Variants in SCRT2 observed in about 807,000 individuals in gnomAD.
SCRT2 encodes scratch family transcriptional repressor 2, also known as transcriptional repressor scratch 2.
A neutral mutation model predicts 3.7 loss-of-function variants in SCRT2; 2 were observed. That is an observed-to-expected ratio of 0.54 (90% CI 0.22 to 1.70). SCRT2 has a LOEUF of 1.70. Ranked by LOEUF, SCRT2 falls within the 40% of genes most tolerant of loss-of-function variation. SCRT2 has a pLI of 0.19. For missense variants in SCRT2, 456 were observed against 468.5 expected, an observed-to-expected ratio of 0.97 and a Z score of 0.25; for synonymous variants, 256 against 220.6, an observed-to-expected ratio of 1.16 and a Z score of -1.42.
intron 1 of SCRT2, among the ~76,000 whole-genome samples, chr20:673,196 A>G (rs1055259312): frequency 3.3e-5 from 5 of 152,234 alleles, no homozygotes; most frequent in Admixed American, 3.3e-4. Context: ...GCCCGATCCC[A>G]GAAATGCCGC....
rs777409794 is a variant in SCRT2, at chr20:663,891, G to C, written c.704C>G (p.Thr235Ser). Residue 235 changes from threonine to serine, a missense_variant, in exon 2 of 2, where the codon ACC becomes AGC. By Grantham distance (58) the Thr-to-Ser change is moderately conservative. Around this residue, in one of 3 missense-constraint regions of SCRT2, gnomAD observed 144 missense variants for 141.9 expected, o/e 1.01. Transcript: ENST00000246104. The surrounding 1 kb of genome is among the most constrained non-coding windows in gnomAD (Gnocchi z 6.9). ...CGCGCAGCCGAACGGCTTTTCGCCGGTGTGCGAGCGCATGTGACCCTGCAG... is the reference window on the plus strand; with the variant it reads ...CGCGCAGCCGAACGGCTTTTCGCCGCTGTGCGAGCGCATGTGACCCTGCAG... ...WLLQGHMRSH[T>S]GEKPFGCAHC... 6.2e-7 allele frequency: 1 copy of C among 1,604,008 alleles called. No homozygotes were observed. The highest frequency in any genetic ancestry group is 8.5e-7 in the Non-Finnish European group (1 of 1,177,616).
At chr20:673,545 A>G (rs1184676882) in intron 1 of SCRT2, among the ~76,000 whole-genome samples, 1 of 152,162 alleles carries the variant, frequency 6.6e-6, no homozygotes, top group Non-Finnish European at 1.5e-5. Flanking sequence ...GTTGGTCTGG[A>G]GACCCATGGG....
chr20:675,499 G>T lies in SCRT2; in HGVS notation c.103C>A (p.Pro35Thr). The T allele has an allele frequency of 3.6e-6, 5 of 1,374,412 alleles. No individual in the cohort carries two copies. Among genetic ancestry groups the T allele is most frequent in the Non-Finnish European group, 4.7e-6 (5 of 1,059,386 alleles). The allele number at this position is 1,374,412 out of a possible 1,614,324, so 85.1% of individuals were successfully genotyped here. The change falls in exon 1 of 2, where the codon CCT (proline) becomes ACT (threonine). Residue 35 changes from proline to threonine, a missense_variant. Pro to Thr is a conservative substitution (Grantham distance 38). Around this residue, in one of 3 missense-constraint regions of SCRT2, gnomAD observed 306 missense variants for 305.3 expected, o/e 1.00. Coordinates refer to ENST00000246104, the MANE Select transcript of SCRT2 (RefSeq NM_033129.4). The surrounding 1 kb of genome is among the most constrained non-coding windows in gnomAD (Gnocchi z 6.9). ...YHPLETAYVL[P>T]GARGPPGDNG... The stretch of plus-strand genomic sequence containing the variant: ...TCCCCGGGAGGCCCCCGGGCGCCAG[G>T]CAGCACGTAGGCTGTCTCCAAGGGG...
At chr20:672,176 C>G (rs562315982) in intron 1 of SCRT2, among the ~76,000 whole-genome samples, 71 of 152,248 alleles carry the variant, frequency 4.7e-4, no homozygotes, top group African/African-American at 1.7e-3. Flanking sequence ...AGGCATCTTA[C>G]TTGAGGGGAC....
In SCRT2 at chr20:669,735, G is replaced by A. The variant is rs1405520913; in HGVS notation, c.134-5274C>T. Among the ~76,000 whole-genome samples the A allele has an allele frequency of 2.0e-5, 3 of 152,256 alleles. No individual in the cohort carries two copies. The East Asian group carries it at 5.8e-4, about 29-fold the overall frequency. ...GAAAGCCAGGTCTGTCAGCAGCAAA[G>A]CGGGATAAAAATAGTTTCTCCTGTC... On this transcript the variant is annotated intron_variant, in intron 1 of 1. Transcript: ENST00000246104.
chr20:670,995 C>T (rs926208213), intron 1 of SCRT2, among the ~76,000 whole-genome samples: 2 of 152,126 alleles, frequency 1.3e-5, no homozygotes, highest in Non-Finnish European at 2.9e-5. Flanking sequence ...GAAAGGAAAA[C>T]AGAGGCTGGG....
In SCRT2 at chr20:663,398, G is replaced by C. The variant is rs1274352480; in HGVS notation, c.*273C>G. ...GGAGAGGTGCGGACCTGGTGCCTGAGTTGGGAGCCTTGAAGGCGCGGACAG... is the reference window on the plus strand; with the variant it reads ...GGAGAGGTGCGGACCTGGTGCCTGACTTGGGAGCCTTGAAGGCGCGGACAG... On this transcript the variant is annotated 3_prime_UTR_variant, in exon 2 of 2. Transcript: ENST00000246104. This position sits in a 1 kb window ranked among gnomAD's most constrained non-coding sequence, Gnocchi z 6.9. The C allele has an allele frequency of 2.8e-6, 1 of 363,122 alleles. No homozygotes were observed. The highest frequency in any genetic ancestry group is 2.1e-5 in the African/African-American group (1 of 46,886). The allele number at this position is 363,122 out of a possible 1,614,324, so 22.5% of individuals were successfully genotyped here.
At chr20:671,616 G>T (rs934203619) in intron 1 of SCRT2, among the ~76,000 whole-genome samples, 3 of 152,206 alleles carry the variant, frequency 2.0e-5, no homozygotes, top group Non-Finnish European at 4.4e-5. Flanking sequence ...GCTTGGCCTG[G>T]AGCGACTACC....
chr20:673,159 C>T (rs1984400561), intron 1 of SCRT2, among the ~76,000 whole-genome samples: 1 of 152,178 alleles, frequency 6.6e-6, no homozygotes, highest in African/African-American at 2.4e-5. Flanking sequence ...TATGGGGTAG[C>T]CTACAGAGAC....
rs1385776950 is a variant in SCRT2 at position 667,474 on chromosome 20, C to A, written c.134-3013G>T. Among the ~76,000 whole-genome samples, 1 of 152,194 alleles carries A rather than the reference C, an allele frequency of 6.6e-6. No individual in the cohort carries two copies. The highest frequency in any genetic ancestry group is 1.5e-5 in the Non-Finnish European group (1 of 68,024). On this transcript the variant is annotated intron_variant, in intron 1 of 1. Coordinates refer to ENST00000246104, the MANE Select transcript of SCRT2 (RefSeq NM_033129.4). This position sits in a 1 kb window ranked among gnomAD's most constrained non-coding sequence, Gnocchi z 4.4. ...ACACATCGTGCTGCTCCTCTCTGGG[C>A]CTCTGTTTCCTCACCCGGGATGTGT... is the stretch of plus-strand genomic sequence containing the variant.
In SCRT2 at chr20:675,107, G is replaced by C. The variant is rs960676684; in HGVS notation, c.133+362C>G. Among the ~76,000 whole-genome samples, 2 of 152,148 alleles carry C rather than the reference G, an allele frequency of 1.3e-5. No homozygotes were observed. The highest frequency in any genetic ancestry group is 2.4e-5 in the African/African-American group (1 of 41,524). On this transcript the variant is annotated intron_variant, in intron 1 of 1. Transcript: ENST00000246104. The surrounding 1 kb of genome is among the most constrained non-coding windows in gnomAD (Gnocchi z 6.9). ...GGCAGCCAGCTTCTCTTCCTCAACG[G>C]GGGAGAGGGAACCCTCAAAGTGCCT...
rs2122343742 is a variant in SCRT2, at chr20:665,031, A to G, written c.134-570T>C. Among the ~76,000 whole-genome samples, 4 of 152,370 alleles carry G rather than the reference A, an allele frequency of 2.6e-5. No individual in the cohort carries two copies. The Middle Eastern group carries it at 0.014, about 518-fold the overall frequency. On this transcript the variant is annotated intron_variant, in intron 1 of 1. Coordinates refer to ENST00000246104, the MANE Select transcript of SCRT2 (RefSeq NM_033129.4). The surrounding 1 kb of genome is among the most constrained non-coding windows in gnomAD (Gnocchi z 5.0). Reference sequence around the variant, plus strand: ...GTGTGTTAAGCTCTTACTGTTTGCCAGACTCTGCCTCGGTGCTTTACGCAT... The same window carrying G: ...GTGTGTTAAGCTCTTACTGTTTGCCGGACTCTGCCTCGGTGCTTTACGCAT...
chr20:668,996 G>A (rs1179137458), intron 1 of SCRT2, among the ~76,000 whole-genome samples: 1 of 152,186 alleles, frequency 6.6e-6, no homozygotes, highest in Admixed American at 6.5e-5. Context: ...GAGGCGGCAG[G>A]TTTGAAACCC....
At position 664,224 on chromosome 20, in the gene SCRT2, C is replaced by A. The variant is rs1441675191; in HGVS notation, c.371G>T (p.Gly124Val). 1 of 1,287,976 alleles carries A rather than the reference C, an allele frequency of 7.8e-7. No individual in the cohort carries two copies. 79.8% of individuals were successfully genotyped at this position (1,287,976 alleles called of 1,614,324 possible). Reference protein sequence around the residue: ...SDGRSRRRRGGGGGDAGGSGD... With the variant: ...SDGRSRRRRGVGGGDAGGSGD... ...CGAGCCCCCCGCGTCCCCGCCGCCCCCGCCCCGCCGCCGCCGCGAGCGCCC... is the reference window on the plus strand; with the variant it reads ...CGAGCCCCCCGCGTCCCCGCCGCCCACGCCCCGCCGCCGCCGCGAGCGCCC... Residue 124 changes from glycine to valine, a missense_variant, in exon 2 of 2, where the codon GGG becomes GTG. Physicochemically the swap from Gly to Val is moderately radical, Grantham distance 109. Coordinates refer to ENST00000246104, the MANE Select transcript of SCRT2 (RefSeq NM_033129.4). This position sits in a 1 kb window ranked among gnomAD's most constrained non-coding sequence, Gnocchi z 7.9.
In SCRT2 at chr20:667,047, C is replaced by G. The variant is rs1055463406; in HGVS notation, c.134-2586G>C. ...CCAGACGGCCTGGATTGTTTTGGCT[C>G]TACCATTCCCAGCAGTGTGACCTTG... On this transcript the variant is annotated intron_variant, in intron 1 of 1. Transcript: ENST00000246104. This position sits in a 1 kb window ranked among gnomAD's most constrained non-coding sequence, Gnocchi z 4.4. 8.5e-5 allele frequency among the ~76,000 whole-genome samples: 13 copies of G among 152,160 alleles called. No homozygotes were observed. Among genetic ancestry groups the G allele is most frequent in the African/African-American group, 3.1e-4 (13 of 41,422 alleles).
At position 671,604 on chromosome 20, in the gene SCRT2, G is replaced by C. The variant is rs368226183; in HGVS notation, c.133+3865C>G. Reference sequence around the variant, plus strand: ...GCTGGGGACATTGGGCCGGGCTCCCGGGCTTGGCCTGGAGCGACTACCCGG... The same window carrying C: ...GCTGGGGACATTGGGCCGGGCTCCCCGGCTTGGCCTGGAGCGACTACCCGG... On this transcript the variant is annotated intron_variant, in intron 1 of 1. Transcript: ENST00000246104. Among the ~76,000 whole-genome samples, 128 of 152,340 alleles carry C rather than the reference G, an allele frequency of 8.4e-4. 1 individual carries two copies. The highest frequency in any genetic ancestry group is 2.9e-3 in the African/African-American group (120 of 41,574).
intron 1 of SCRT2, among the ~76,000 whole-genome samples, chr20:673,604 C>A (rs1035285212): frequency 2.0e-5 from 3 of 152,194 alleles, no homozygotes; most frequent in Admixed American, 2.0e-4. Flanking sequence ...CCCGGTGGAA[C>A]CTCTGCAGAA....
rs1424048094 is a variant in SCRT2 at position 666,184 on chromosome 20, G to A, written c.134-1723C>T. On this transcript the variant is annotated intron_variant, in intron 1 of 1. Coordinates refer to ENST00000246104, the MANE Select transcript of SCRT2 (RefSeq NM_033129.4). The surrounding 1 kb of genome is among the most constrained non-coding windows in gnomAD (Gnocchi z 4.4). ...GGGCTCTGTGGTTGGATGTAAAGGG[G>A]GATAGTGATAGTGGCAATTTTTTAA... Among the ~76,000 whole-genome samples, 1 of 152,126 alleles carries A rather than the reference G, an allele frequency of 6.6e-6. No individual in the cohort carries two copies. The highest frequency in any genetic ancestry group is 1.5e-5 in the Non-Finnish European group (1 of 68,030).
rs1984189625 is a variant in SCRT2 at position 667,438 on chromosome 20, C to T, written c.134-2977G>A. On this transcript the variant is annotated intron_variant, in intron 1 of 1. Transcript: ENST00000246104. The surrounding 1 kb of genome is among the most constrained non-coding windows in gnomAD (Gnocchi z 4.4). ...GGTTTCTGTGCTGCAGCTTTCTTGG[C>T]ATCTGCCCCAACACATCGTGCTGCT... Among the ~76,000 whole-genome samples, 1 of 152,194 alleles carries T rather than the reference C, an allele frequency of 6.6e-6. No individual in the cohort carries two copies. The highest frequency in any genetic ancestry group is 2.1e-4 in the South Asian group (1 of 4,834).
Sources: allele counts gnomAD v4.1 joint callset (sites outside exome capture counted in the v4.1 genomes callset), GRCh38; gene constraint gnomAD v4.1.1; regional missense constraint gnomAD v4.1.1; non-coding constraint Gnocchi (gnomAD v3.1); transcripts MANE v1.5; gene names NCBI Gene and HGNC (gene_info 2026-07-23, HGNC 2026-07-21).